The following CTNND2 variants were observed in gnomAD, a reference collection of about 807,000 sequenced individuals.
The protein encoded by CTNND2 is catenin delta 2.
Under a neutral mutation model 144.4 loss-of-function variants are expected in CTNND2, and 22 were observed. The observed-to-expected ratio is 0.15, with a 90% confidence interval of 0.11 to 0.22. CTNND2 has a LOEUF of 0.22. Ranked by LOEUF, CTNND2 falls within the 10% of genes least tolerant of loss-of-function variation. The pLI, the probability that CTNND2 is intolerant of heterozygous loss-of-function variation, is 1.00. For synonymous variants in CTNND2, 751 were observed against 695.6 expected, an observed-to-expected ratio of 1.08 and a Z score of -1.25; for missense variants, 1,353 against 1,618.8, an observed-to-expected ratio of 0.84 and a Z score of 2.82.
At chr5:10,999,052 C>G (rs959365948) in intron 18 of CTNND2, among the ~76,000 whole-genome samples, 1 of 152,226 alleles carries the variant, frequency 6.6e-6, no homozygotes, top group Non-Finnish European at 1.5e-5. Flanking sequence ...CCACTCATTA[C>G]AAACACCTTG....
In CTNND2 at chr5:11,087,368, C is replaced by T. The variant is rs146944530; in HGVS notation, c.2638-4522G>A. Among the ~76,000 whole-genome samples the T allele has an allele frequency of 3.8e-3, 577 of 152,262 alleles. 6 individuals carry two copies. The highest frequency in any genetic ancestry group is 0.014 in the Middle Eastern group (4 of 294). ...AAACAATGCATAAAATATTAGGAAACGGCATGGCTTTTGCTGTATGCCCCA... is the reference window on the plus strand; with the variant it reads ...AAACAATGCATAAAATATTAGGAAATGGCATGGCTTTTGCTGTATGCCCCA... On this transcript the variant is annotated intron_variant, in intron 15 of 21. Coordinates refer to ENST00000304623, the MANE Select transcript of CTNND2 (RefSeq NM_001332.4).
chr5:11,117,300 A>G lies in CTNND2; in HGVS notation c.2277+150T>C, dbSNP rs1001925920. The G allele has an allele frequency of 2.6e-5, 17 of 657,324 alleles. No individual in the cohort carries two copies. The African/African-American group carries it at 2.9e-4, about 11-fold the overall frequency. 40.7% of individuals were successfully genotyped at this position (657,324 alleles called of 1,614,324 possible). A position where few individuals can be genotyped will look rare whatever the true frequency, so the allele number is the denominator to read the frequency against. On this transcript the variant is annotated intron_variant, in intron 13 of 21. Transcript: ENST00000304623. ...CATGCTAGAATTAGAAGCCCAGTCTAAAAGTGTTGGATTCTTATAAGGAAA... is the reference window on the plus strand; with the variant it reads ...CATGCTAGAATTAGAAGCCCAGTCTGAAAGTGTTGGATTCTTATAAGGAAA...
chr5:11,082,651 AT>A (rs1749699812), intron 16 of CTNND2, 44 bp downstream of exon 16: 4 of 1,600,352 alleles, frequency 2.5e-6, no homozygotes, highest in Non-Finnish European at 3.4e-6. Context: ...TAGAGAAAAT[AT>A]TTTCACTTAA....
At chr5:11,120,057 T>A (rs958891335) in intron 12 of CTNND2, among the ~76,000 whole-genome samples, 5 of 152,356 alleles carry the variant, frequency 3.3e-5, no homozygotes, top group African/African-American at 1.2e-4. Flanking sequence ...TTTTCTTTAT[T>A]CTAGTTTCTA....
At chr5:11,195,819 G>A (rs1490330244) in intron 11 of CTNND2, among the ~76,000 whole-genome samples, 3 of 152,188 alleles carry the variant, frequency 2.0e-5, no homozygotes, top group Admixed American at 6.5e-5. Context: ...CCCAAAGGAC[G>A]TGCAGCATTT....
chr5:11,641,326 C>T (rs1330138463), intron 2 of CTNND2, among the ~76,000 whole-genome samples: 1 of 151,978 alleles, frequency 6.6e-6, no homozygotes, highest in Non-Finnish European at 1.5e-5. Flanking sequence ...AAACATCTAT[C>T]CCAGGAACCG....
At chr5:10,991,566 T>G (rs1738683559) in intron 19 of CTNND2, among the ~76,000 whole-genome samples, 1 of 152,236 alleles carries the variant, frequency 6.6e-6, no homozygotes. Context: ...CACATTTGCC[T>G]TTCATCTTTC....
intron 3 of CTNND2, among the ~76,000 whole-genome samples, chr5:11,461,226 C>T (rs1414833367): frequency 1.3e-5 from 2 of 151,802 alleles, no homozygotes; most frequent in East Asian, 1.9e-4. Context: ...CCTGAATAAA[C>T]GTGCGCTGAA....
At chr5:11,784,043 A>G (rs1362300907) in intron 1 of CTNND2, among the ~76,000 whole-genome samples, 1 of 152,236 alleles carries the variant, frequency 6.6e-6, no homozygotes, top group Admixed American at 6.5e-5. Flanking sequence ...AAGTTGTTGC[A>G]AAACAAACCA....
At chr5:11,627,001 T>C (rs1260647990) in intron 2 of CTNND2, among the ~76,000 whole-genome samples, 1 of 152,144 alleles carries the variant, frequency 6.6e-6, no homozygotes, top group South Asian at 2.1e-4. Context: ...AGGTAGAGGA[T>C]AGATGATGAA....
intron 11 of CTNND2, among the ~76,000 whole-genome samples, chr5:11,170,312 G>A (rs182259299): frequency 3.0e-4 from 46 of 152,188 alleles, no homozygotes; most frequent in African/African-American, 1.1e-3. Context: ...TTCCCTTTTC[G>A]CCCAGGTAAT....
chr5:11,113,328 A>T (rs1270794922), intron 13 of CTNND2, among the ~76,000 whole-genome samples: 6 of 152,182 alleles, frequency 3.9e-5, no homozygotes, highest in Non-Finnish European at 5.9e-5. Flanking sequence ...CAGGGGTCCG[A>T]TCCAGCCCAC....
intron 15 of CTNND2, among the ~76,000 whole-genome samples, chr5:11,091,078 T>TATTTTTTCAAAA (rs1194172860): frequency 1.3e-5 from 2 of 152,316 alleles, no homozygotes; most frequent in East Asian, 3.9e-4. Context: ...TTTCAGTCAT[T>TATTTTTTCAAAA]ATTTTTTCAA....
At chr5:11,562,292 T>TA (rs905208697) in intron 3 of CTNND2, among the ~76,000 whole-genome samples, 2 of 151,978 alleles carry the variant, frequency 1.3e-5, no homozygotes, top group South Asian at 2.1e-4. Context: ...CCTCTTTTTT[T>TA]AAAAAAAAGT....
chr5:11,364,748 G>A lies in CTNND2; in HGVS notation c.1320C>T (p.Ser440=), dbSNP rs777539373. The A allele has an allele frequency of 6.2e-6, 10 of 1,613,696 alleles. No individual in the cohort carries two copies. The highest frequency in any genetic ancestry group is 8.5e-6 in the Non-Finnish European group (10 of 1,179,932). Residue 440 remains serine (S), a synonymous_variant, in exon 8 of 22, where the codon AGC becomes AGT. Coordinates refer to ENST00000304623, the MANE Select transcript of CTNND2 (RefSeq NM_001332.4). ...GTGCTGGCGGCAGAGGGTCCCCCTG[G>A]CTCTGGCTGAGACTCCTCATAGGGG... ...QKPPMRSLSQ[S]QGDPLPPAHT... is the part of the protein sequence containing the mutation.
intron 3 of CTNND2, among the ~76,000 whole-genome samples, chr5:11,531,951 T>C (rs887372825): frequency 3.9e-5 from 6 of 152,200 alleles, no homozygotes; most frequent in Non-Finnish European, 8.8e-5. Context: ...CTAACCGCAG[T>C]GCACATTGCC....
chr5:11,432,612 T>C (rs1490809721), intron 3 of CTNND2, among the ~76,000 whole-genome samples: 1 of 152,172 alleles, frequency 6.6e-6, no homozygotes, highest in Non-Finnish European at 1.5e-5. Flanking sequence ...AGGGTGATGA[T>C]TTCAACTAAA....
At chr5:11,797,986 G>A (rs1258189347) in intron 1 of CTNND2, among the ~76,000 whole-genome samples, 1 of 152,148 alleles carries the variant, frequency 6.6e-6, no homozygotes, top group East Asian at 1.9e-4. Context: ...GGCTGAGCTT[G>A]GTGGCTCACG....
intron 3 of CTNND2, among the ~76,000 whole-genome samples, chr5:11,419,050 AT>A (rs987951067): frequency 7.5e-6 from 1 of 133,296 alleles, no homozygotes; most frequent in Non-Finnish European, 1.5e-5. Context: ...ATAGATAGAC[AT>A]CTATATAGAT....
Sources: gnomAD v4.1 joint callset for allele counts (sites outside exome capture counted in the v4.1 genomes callset) on GRCh38, gnomAD v4.1.1 for gene constraint, MANE v1.5 for transcripts, NCBI Gene and HGNC (gene_info 2026-07-23, HGNC 2026-07-21) for gene names.